The following KIAA0825 variants were observed in gnomAD, a reference collection of about 807,000 sequenced individuals.
KIAA0825 encodes uncharacterized protein KIAA0825.
A neutral mutation model predicts 147.6 loss-of-function variants in KIAA0825; 119 were observed. That is an observed-to-expected ratio of 0.81 (90% CI 0.69 to 0.94). The LOEUF is 0.94. Ranked by LOEUF, KIAA0825 falls within the 40% of genes least tolerant of loss-of-function variation. KIAA0825 has a pLI of 0.00. For synonymous variants in KIAA0825, 470 were observed against 518.1 expected, an observed-to-expected ratio of 0.91 and a Z score of 1.26; for missense variants, 1,381 against 1,472.7, an observed-to-expected ratio of 0.94 and a Z score of 1.02.
chr5:94,261,268 A>G (rs1050298138), intron 20 of KIAA0825, among the ~76,000 whole-genome samples: 1 of 152,128 alleles, frequency 6.6e-6, no homozygotes, highest in African/African-American at 2.4e-5. Context: ...GCACCATTGC[A>G]CTCTAGAGCC....
At chr5:94,590,590 C>G (rs751096343) in intron 1 of KIAA0825, among the ~76,000 whole-genome samples, 1 of 152,172 alleles carries the variant, frequency 6.6e-6, no homozygotes, top group Admixed American at 6.5e-5. Flanking sequence ...CACCTATACC[C>G]CATAGCTGAA....
At chr5:94,362,386 A>C (rs568112822) in intron 20 of KIAA0825, among the ~76,000 whole-genome samples, 1 of 152,306 alleles carries the variant, frequency 6.6e-6, no homozygotes, top group East Asian at 1.9e-4. Context: ...TGCAAATTGA[A>C]CTGATTTAAA....
chr5:94,406,755 A>G (rs1752120410), intron 15 of KIAA0825, among the ~76,000 whole-genome samples: 1 of 152,208 alleles, frequency 6.6e-6, no homozygotes, highest in African/African-American at 2.4e-5. Flanking sequence ...AAGTTCTACT[A>G]TGGCCTTGAA....
At chr5:94,220,002 T>C (rs558806310) in intron 20 of KIAA0825, among the ~76,000 whole-genome samples, 123 of 152,318 alleles carry the variant, frequency 8.1e-4, no homozygotes, top group African/African-American at 2.8e-3. Flanking sequence ...TTATAAATGT[T>C]GACATTTTTA....
chr5:94,529,455 G>GTATA (rs59043433), intron 3 of KIAA0825, among the ~76,000 whole-genome samples: 87 of 146,724 alleles, frequency 5.9e-4, no homozygotes, highest in African/African-American at 2.0e-3. Context: ...TATATGTAGT[G>GTATA]TATATATATA....
At chr5:94,533,463 G>A (rs940154976) in intron 3 of KIAA0825, among the ~76,000 whole-genome samples, 1 of 151,370 alleles carries the variant, frequency 6.6e-6, no homozygotes, top group Admixed American at 6.6e-5. Context: ...TCTTAGTAGA[G>A]ACAGGGTTTC....
intron 7 of KIAA0825, 36 bp downstream of exon 7, chr5:94,477,075 T>C: frequency 9.5e-6 from 13 of 1,373,508 alleles, no homozygotes; most frequent in Non-Finnish European, 1.2e-5. Flanking sequence ...TGATATTATA[T>C]GTGAATTATA....
chr5:94,586,141 A>G (rs1312129724), intron 1 of KIAA0825, among the ~76,000 whole-genome samples: 1 of 152,240 alleles, frequency 6.6e-6, no homozygotes, highest in Non-Finnish European at 1.5e-5. Context: ...TAGAGAAGCA[A>G]GAGCAAATAA....
At chr5:94,380,703 C>T (rs530105118) in intron 20 of KIAA0825, among the ~76,000 whole-genome samples, 16 of 152,192 alleles carry the variant, frequency 1.1e-4, no homozygotes, top group South Asian at 2.1e-4. Flanking sequence ...CAAGATGGCA[C>T]CAGCCATGTG....
chr5:94,431,483 G>A (rs945426261), intron 14 of KIAA0825, among the ~76,000 whole-genome samples: 1 of 152,176 alleles, frequency 6.6e-6, no homozygotes, highest in Non-Finnish European at 1.5e-5. Context: ...AGTGGCTGAA[G>A]TAGACATTAA....
At chr5:94,386,918 G>A (rs955737835) in intron 18 of KIAA0825, among the ~76,000 whole-genome samples, 17 of 152,190 alleles carry the variant, frequency 1.1e-4, no homozygotes, top group African/African-American at 3.4e-4. Flanking sequence ...TCCATCCCAT[G>A]GAGTGAAAAA....
chr5:94,539,319 C>G (rs547562955), intron 2 of KIAA0825, among the ~76,000 whole-genome samples: 22 of 152,222 alleles, frequency 1.4e-4, no homozygotes, highest in Admixed American at 3.3e-4. Context: ...ATGGAGTAAC[C>G]ATTCTTTTAT....
chr5:94,205,410 T>C (rs1218735902), intron 20 of KIAA0825, among the ~76,000 whole-genome samples: 1 of 151,274 alleles, frequency 6.6e-6, no homozygotes, highest in Non-Finnish European at 1.5e-5. Flanking sequence ...CATGCCATTC[T>C]CCTGCCTCAG....
chr5:94,432,140 C>T (rs926780576), intron 14 of KIAA0825, among the ~76,000 whole-genome samples: 4 of 152,224 alleles, frequency 2.6e-5, no homozygotes, highest in South Asian at 4.1e-4. Flanking sequence ...GGACAAGCCA[C>T]ATACTCAAAT....
chr5:94,167,446 A>T (rs897494513), intron 20 of KIAA0825, among the ~76,000 whole-genome samples: 14 of 152,134 alleles, frequency 9.2e-5, no homozygotes, highest in Admixed American at 7.2e-4. Flanking sequence ...GGGTTTTATA[A>T]GGGAGTTACA....
At chr5:94,289,262 G>T (rs1212185467) in intron 20 of KIAA0825, among the ~76,000 whole-genome samples, 1 of 152,144 alleles carries the variant, frequency 6.6e-6, no homozygotes, top group East Asian at 1.9e-4. Flanking sequence ...CTGGCCGGGA[G>T]TGGTGGCTCA....
At chr5:94,355,174 C>T (rs1041011636) in intron 20 of KIAA0825, among the ~76,000 whole-genome samples, 5 of 152,152 alleles carry the variant, frequency 3.3e-5, no homozygotes, top group African/African-American at 1.2e-4. Context: ...TTTGATGTCT[C>T]ATAGTGGCTG....
At chr5:94,401,451 A>C (rs1343883198) in intron 16 of KIAA0825, among the ~76,000 whole-genome samples, 2 of 152,110 alleles carry the variant, frequency 1.3e-5, no homozygotes, top group African/African-American at 4.8e-5. Context: ...ATGAGGATTA[A>C]TTTTGTTACA....
rs138983218 is a variant in KIAA0825, at chr5:94,368,460, C to T, written c.3710+15908G>A. Among the ~76,000 whole-genome samples, 5 of 152,264 alleles carry T rather than the reference C, an allele frequency of 3.3e-5. No homozygotes were observed. In the East Asian group the frequency reaches 9.7e-4, roughly 29 times the overall value. On this transcript the variant is annotated intron_variant, in intron 20 of 20. Transcript: ENST00000682413. The stretch of plus-strand genomic sequence containing the variant: ...AAGTTCTGGGATTACAGGTGTGAGC[C>T]ACCACCCCTGACCAGTTATTTGCAA...
Sources: gnomAD v4.1 joint callset for allele counts (sites outside exome capture counted in the v4.1 genomes callset) on GRCh38, gnomAD v4.1.1 for gene constraint, MANE v1.5 for transcripts, NCBI Gene and HGNC (gene_info 2026-07-23, HGNC 2026-07-21) for gene names.